RBMS1: variants seen among roughly 807,000 people sequenced by gnomAD.
RBMS1 encodes the protein RNA-binding motif, single-stranded-interacting protein 1.
Under a neutral mutation model 62.3 loss-of-function variants are expected in RBMS1, and 17 were observed. That is an observed-to-expected ratio of 0.27 (90% CI 0.19 to 0.41). The LOEUF (loss-of-function observed/expected upper bound fraction) is 0.41, where lower values mean the gene tolerates loss of function less well. RBMS1 is among the 10% of genes least tolerant of loss of function. The pLI is 1.00. For missense variants in RBMS1, 334 were observed against 504.5 expected (o/e 0.66, Z 3.24); for synonymous variants, 172 against 170.0 (o/e 1.01, Z -0.09).
intron 1 of RBMS1, among the ~76,000 whole-genome samples, chr2:160,371,571 T>C (rs57284584): frequency 0.024 from 3,609 of 152,284 alleles, 172 homozygotes; most frequent in African/African-American, 0.083. Context: ...TTGATAATAT[T>C]TATATGGGCT....
intron 1 of RBMS1, 117 bp downstream of exon 1, chr2:160,493,172 A>T: frequency 9.8e-7 from 1 of 1,025,548 alleles, no homozygotes; most frequent in Admixed American, 2.3e-5. Context: ...GCAACCTTCC[A>T]GCAACTCCGC....
At chr2:160,468,905 A>C (rs1684804868) in intron 1 of RBMS1, among the ~76,000 whole-genome samples, 1 of 152,216 alleles carries the variant, frequency 6.6e-6, no homozygotes, top group Non-Finnish European at 1.5e-5. Context: ...TTACCCATGG[A>C]TAGGGCTACC....
chr2:160,437,610 T>A (rs1252140179), intron 1 of RBMS1, among the ~76,000 whole-genome samples: 1 of 152,252 alleles, frequency 6.6e-6, no homozygotes, highest in East Asian at 1.9e-4. Flanking sequence ...AAAGGCAGTA[T>A]GTGAATACGA....
intron 10 of RBMS1, among the ~76,000 whole-genome samples, chr2:160,280,824 A>C (rs997027263): frequency 1.3e-5 from 2 of 152,234 alleles, no homozygotes; most frequent in Non-Finnish European, 1.5e-5. Flanking sequence ...ATTTAAAAAA[A>C]TGTAATATAT....
intron 1 of RBMS1, among the ~76,000 whole-genome samples, chr2:160,478,761 C>T (rs889436508): frequency 3.3e-5 from 5 of 152,256 alleles, no homozygotes; most frequent in Non-Finnish European, 5.9e-5. Context: ...CCAAACAGCA[C>T]GAGGGAAAAG....
chr2:160,486,552 C>T (rs965444273), intron 1 of RBMS1, among the ~76,000 whole-genome samples: 1 of 152,106 alleles, frequency 6.6e-6, no homozygotes, highest in Non-Finnish European at 1.5e-5. Flanking sequence ...CTGCATAGCG[C>T]ATGTTGTTCA....
At chr2:160,394,772 T>A (rs1165458712) in intron 1 of RBMS1, among the ~76,000 whole-genome samples, 1 of 152,218 alleles carries the variant, frequency 6.6e-6, no homozygotes, top group Non-Finnish European at 1.5e-5. Context: ...ATACACTCTT[T>A]AACATTCATT....
At position 160,348,524 on chromosome 2, in the gene RBMS1, G is replaced by A. The variant is rs149279719; in HGVS notation, c.251+18692C>T. Among the ~76,000 whole-genome samples, 1,217 of 152,218 alleles carry A rather than the reference G, an allele frequency of 8.0e-3. 10 individuals carry two copies. The highest frequency in any genetic ancestry group is 0.011 in the Non-Finnish European group (714 of 67,984). On this transcript the variant is annotated intron_variant, in intron 2 of 13. Transcript: ENST00000348849. Reference sequence around the variant, plus strand: ...AACACAGGACAAAGGCAAAAATGAGGCAGGAATGAAATGGCTTTCACAGAG... The same window carrying A: ...AACACAGGACAAAGGCAAAAATGAGACAGGAATGAAATGGCTTTCACAGAG...
chr2:160,473,660 G>T (rs1021054981), intron 1 of RBMS1, among the ~76,000 whole-genome samples: 5 of 152,116 alleles, frequency 3.3e-5, no homozygotes, highest in African/African-American at 1.2e-4. Context: ...GGAAATCTCA[G>T]CAGGGCAGCA....
intron 1 of RBMS1, among the ~76,000 whole-genome samples, chr2:160,439,103 A>AC (rs1683267181): frequency 8.5e-6 from 1 of 116,998 alleles, no homozygotes; most frequent in African/African-American, 3.4e-5. Flanking sequence ...GGGCAGAGGC[A>AC]CCCCTCACCT....
At chr2:160,378,183 T>C (rs2105182145) in intron 1 of RBMS1, among the ~76,000 whole-genome samples, 1 of 152,200 alleles carries the variant, frequency 6.6e-6, no homozygotes, top group South Asian at 2.1e-4. Context: ...AATTGATAAT[T>C]TAAAGCTCCC....
At chr2:160,465,023 T>G (rs1684627199) in intron 1 of RBMS1, among the ~76,000 whole-genome samples, 1 of 152,218 alleles carries the variant, frequency 6.6e-6, no homozygotes, top group South Asian at 2.1e-4. Flanking sequence ...TGTCAAGAGT[T>G]TTTATTAAAG....
intron 1 of RBMS1, chr2:160,432,223 G>C (rs1313700127): frequency 6.6e-6 from 1 of 152,160 alleles, no homozygotes; most frequent in Non-Finnish European, 1.5e-5. Context: ...TGGTAAAGCA[G>C]ACTCTGATCC....
At chr2:160,487,441 C>T (rs1370473445) in intron 1 of RBMS1, among the ~76,000 whole-genome samples, 1 of 152,192 alleles carries the variant, frequency 6.6e-6, no homozygotes, top group Non-Finnish European at 1.5e-5. Context: ...TGCTGGAGAG[C>T]AGGTACCAGA....
chr2:160,408,454 C>A (rs1417055719), intron 1 of RBMS1: 1 of 152,200 alleles, frequency 6.6e-6, no homozygotes, highest in Non-Finnish European at 1.5e-5. Flanking sequence ...ACTCCCCAGC[C>A]CCTCACCCAA....
chr2:160,451,078 C>A (rs992098365), intron 1 of RBMS1, among the ~76,000 whole-genome samples: 15 of 150,906 alleles, frequency 9.9e-5, no homozygotes, highest in African/African-American at 3.4e-4. Context: ...ATCCCTTGAG[C>A]CCAGGAGTTT....
At chr2:160,346,103 A>AATTTCTCCC (rs1174903905) in intron 2 of RBMS1, among the ~76,000 whole-genome samples, 1 of 152,120 alleles carries the variant, frequency 6.6e-6, no homozygotes, top group Non-Finnish European at 1.5e-5. Context: ...TCAACCACTG[A>AATTTCTCCC]ATTTCTCCCA....
intron 6 of RBMS1, among the ~76,000 whole-genome samples, chr2:160,292,047 T>A (rs188442246): frequency 3.7e-4 from 57 of 152,352 alleles, no homozygotes; most frequent in African/African-American, 1.3e-3. Context: ...AGTATTTTAT[T>A]TGCATAGTTT....
chr2:160,356,349 C>T (rs1236227695), intron 2 of RBMS1, among the ~76,000 whole-genome samples: 4 of 151,998 alleles, frequency 2.6e-5, no homozygotes, highest in South Asian at 4.1e-4. Context: ...AGAAAAGGTG[C>T]TTTTTCTAAT....
Sources: gnomAD v4.1 joint callset for allele counts (sites outside exome capture counted in the v4.1 genomes callset) on GRCh38, gnomAD v4.1.1 for gene constraint, MANE v1.5 for transcripts, NCBI Gene and HGNC (gene_info 2026-07-23, HGNC 2026-07-21) for gene names.